The following INTS2 variants were observed in gnomAD, a reference collection of about 807,000 sequenced individuals.
The protein encoded by INTS2 is integrator complex subunit 2.
In INTS2, 57 loss-of-function variants were observed where a neutral mutation model predicts 139.6. That is an observed-to-expected ratio of 0.41 (90% CI 0.33 to 0.51). INTS2 has a LOEUF of 0.51. INTS2 is among the 20% of genes least tolerant of loss of function. The pLI, the probability that INTS2 is intolerant of heterozygous loss-of-function variation, is 0.28. For missense variants in INTS2, 1,196 were observed against 1,436.7 expected (o/e 0.83, Z 2.71); for synonymous variants, 473 against 493.4 (o/e 0.96, Z 0.55).
intron 9 of INTS2, among the ~76,000 whole-genome samples, chr17:61,904,117 C>A (rs1396616456): frequency 1.3e-5 from 2 of 152,070 alleles, no homozygotes; most frequent in Non-Finnish European, 2.9e-5. Flanking sequence ...TAAAATGAAT[C>A]AGATGCTACT....
intron 8 of INTS2, among the ~76,000 whole-genome samples, chr17:61,905,673 A>T (rs1025874169): frequency 1.3e-5 from 2 of 151,966 alleles, no homozygotes; most frequent in African/African-American, 4.8e-5. Flanking sequence ...GAGTAGTTTA[A>T]ACAGCCTTTG....
Position 61,893,691 on chromosome 17 carries a change from T to C in INTS2, c.1698+74A>G, listed in dbSNP as rs145889476. 1.1e-3 allele frequency: 1,283 copies of C among 1,166,424 alleles called. 8 individuals are homozygous for C. The African/African-American group carries it at 0.018, about 17-fold the overall frequency. The allele number at this position is 1,166,424 out of a possible 1,614,324, so 72.3% of individuals were successfully genotyped here. ...ACCTGGGTGACTGAGCAAGACTCCA[T>C]CTCAAAAGAAAAAAAATATATATAT... On this transcript the variant is annotated intron_variant, in intron 13 of 24. Coordinates refer to ENST00000251334, the MANE Select transcript of INTS2 (RefSeq NM_001351695.2). The surrounding 1 kb of genome is among the most constrained non-coding windows in gnomAD (Gnocchi z 5.4).
In INTS2 at chr17:61,872,116, A is replaced by C; in HGVS notation, c.2778+149T>G. 2.1e-6 allele frequency: 1 copy of C among 472,846 alleles called. No homozygotes were observed. The highest frequency in any genetic ancestry group is 3.0e-5 in the East Asian group (1 of 33,688). 29.3% of individuals were successfully genotyped at this position (472,846 alleles called of 1,614,324 possible). A position where few individuals can be genotyped will look rare whatever the true frequency, so the allele number is the denominator to read the frequency against. ...ATATCTGATACTCAGAAGCAAAGGTAACATCATTGTAATAGATTCTATAAT... is the reference window on the plus strand; with the variant it reads ...ATATCTGATACTCAGAAGCAAAGGTCACATCATTGTAATAGATTCTATAAT... On this transcript the variant is annotated intron_variant, in intron 20 of 24. Coordinates refer to ENST00000251334, the MANE Select transcript of INTS2 (RefSeq NM_001351695.2). This position sits in a 1 kb window ranked among gnomAD's most constrained non-coding sequence, Gnocchi z 4.8.
chr17:61,902,858 T>TA (rs1049738346), intron 9 of INTS2, among the ~76,000 whole-genome samples: 1,127 of 97,990 alleles, frequency 0.012, 14 homozygotes, highest in East Asian at 0.056. Flanking sequence ...TGAAAGAGCT[T>TA]AAAAAAAAAA....
At chr17:61,877,415 A>G (rs1014780257) in intron 18 of INTS2, among the ~76,000 whole-genome samples, 1 of 152,208 alleles carries the variant, frequency 6.6e-6, no homozygotes, top group Non-Finnish European at 1.5e-5. Context: ...ATGACTAAAG[A>G]CAAACTTTGC....
intron 2 of INTS2, among the ~76,000 whole-genome samples, chr17:61,925,875 A>C (rs1157861744): frequency 6.7e-6 from 1 of 150,166 alleles, no homozygotes; most frequent in Non-Finnish European, 1.5e-5. Context: ...AAATACAAAA[A>C]ATTAGCCGGG....
chr17:61,872,199 G>A lies in INTS2; in HGVS notation c.2778+66C>T. 3 of 1,046,242 alleles carry A rather than the reference G, an allele frequency of 2.9e-6. No homozygotes were observed. The highest frequency in any genetic ancestry group is 2.8e-6 in the Non-Finnish European group (2 of 708,724). The allele number at this position is 1,046,242 out of a possible 1,614,324, so 64.8% of individuals were successfully genotyped here. ...TGGAGCGCACAATGTGCCATCTATTGAACTGATTATACTAGTAGAGAAGCC... is the reference window on the plus strand; with the variant it reads ...TGGAGCGCACAATGTGCCATCTATTAAACTGATTATACTAGTAGAGAAGCC... On this transcript the variant is annotated intron_variant, in intron 20 of 24. Coordinates refer to ENST00000251334, the MANE Select transcript of INTS2 (RefSeq NM_001351695.2). This position sits in a 1 kb window ranked among gnomAD's most constrained non-coding sequence, Gnocchi z 4.8.
intron 3 of INTS2, among the ~76,000 whole-genome samples, chr17:61,923,883 C>A (rs1365873242): frequency 6.6e-6 from 1 of 152,252 alleles, no homozygotes; most frequent in Non-Finnish European, 1.5e-5. Flanking sequence ...GAACTCCCAA[C>A]CTCAGGTGAT....
chr17:61,892,873 G>A (rs537110473), intron 13 of INTS2, among the ~76,000 whole-genome samples: 3 of 146,358 alleles, frequency 2.0e-5, no homozygotes, highest in Admixed American at 1.4e-4. Flanking sequence ...GGAATCACTT[G>A]AACCCAGGAG....
chr17:61,912,946 C>T (rs142273817), intron 5 of INTS2, among the ~76,000 whole-genome samples: 1 of 151,938 alleles, frequency 6.6e-6, no homozygotes, highest in South Asian at 2.1e-4. Flanking sequence ...TGTGGTAATG[C>T]GCACCTATAG....
In INTS2 at chr17:61,909,815, ATGTGTGTATGTGTG is replaced by A. The variant is rs985604865; in HGVS notation, c.954+1691_954+1704del. On this transcript the variant is annotated intron_variant, in intron 7 of 24. Coordinates refer to ENST00000251334, the MANE Select transcript of INTS2 (RefSeq NM_001351695.2). The surrounding 1 kb of genome is among the most constrained non-coding windows in gnomAD (Gnocchi z 4.9). ...TATACATATATACGTGTGTGTGTAC[ATGTGTGTATGTGTG>A]TGTGTGTGTGTGTGTGTGTGTGTGT... is the stretch of plus-strand genomic sequence containing the variant. Among the ~76,000 whole-genome samples the A allele has an allele frequency of 1.1e-4, 8 of 72,510 alleles. No individual in the cohort carries two copies. The highest frequency in any genetic ancestry group is 3.3e-4 in the Admixed American group (2 of 6,034). The allele number at this position is 72,510 out of a possible 152,430, so 47.6% of individuals were successfully genotyped here. A position where few individuals can be genotyped will look rare whatever the true frequency, so the allele number is the denominator to read the frequency against.
chr17:61,877,271 C>T (rs2079134823), intron 18 of INTS2, among the ~76,000 whole-genome samples: 1 of 152,032 alleles, frequency 6.6e-6, no homozygotes, highest in Non-Finnish European at 1.5e-5. Context: ...CTCTGGGGAG[C>T]TAAAGTCTAA....
In INTS2 at chr17:61,919,499, GC is replaced by G; in HGVS notation, c.549del (p.Leu183PhefsTer4). 6.3e-7 allele frequency: 1 copy of G among 1,578,800 alleles called. No individual in the cohort carries two copies. The highest frequency in any genetic ancestry group is 8.6e-7 in the Non-Finnish European group (1 of 1,156,294). On this transcript the variant is annotated frameshift_variant, in exon 5 of 25. Transcript: ENST00000251334. LOFTEE classifies it high-confidence loss of function. Reference protein sequence around the residue: ...LCILQAELPSLLPIVDVAEAL... With the variant: ...LCILQAELPSXLPIVDVAEAL... ...GCTTCAGCTACATCAACTATAGGGAGCAAGGAAGGGAGCTCTACAAGAAAAC... is the reference window on the plus strand; with the variant it reads ...GCTTCAGCTACATCAACTATAGGGAGAAGGAAGGGAGCTCTACAAGAAAAC...
In INTS2 at chr17:61,873,419, A is replaced by C. The variant is rs190852701; in HGVS notation, c.2583-959T>G. On this transcript the variant is annotated intron_variant, in intron 19 of 24. Transcript: ENST00000251334. This position sits in a 1 kb window ranked among gnomAD's most constrained non-coding sequence, Gnocchi z 4.0. ...CATGAAAAAAGGTTCACAAGTTGTT[A>C]AGTGAAAAATCCGAGCTACAAAAAC... Among the ~76,000 whole-genome samples, 828 of 152,284 alleles carry C rather than the reference A, an allele frequency of 5.4e-3. 6 individuals are homozygous for C. Among genetic ancestry groups the C allele is most frequent in the South Asian group, 8.9e-3 (43 of 4,828 alleles).
chr17:61,912,963 C>G (rs2079543057), intron 5 of INTS2, among the ~76,000 whole-genome samples: 1 of 152,052 alleles, frequency 6.6e-6, no homozygotes. Context: ...ATAGTCCCAG[C>G]TGCTCAGGAG....
rs2079122863 is a variant in INTS2 at position 61,875,895 on chromosome 17, A to C, written c.2457-857T>G. Among the ~76,000 whole-genome samples, 1 of 152,184 alleles carries C rather than the reference A, an allele frequency of 6.6e-6. No homozygotes were observed. Among genetic ancestry groups the C allele is most frequent in the East Asian group, 1.9e-4 (1 of 5,188 alleles). On this transcript the variant is annotated intron_variant, in intron 18 of 24. Transcript: ENST00000251334. This position sits in a 1 kb window ranked among gnomAD's most constrained non-coding sequence, Gnocchi z 4.6. ...AATTAAGAAGAACAGGGCCTGACAC[A>C]GTGGCTCACACCTGTGAAATCCCAG...
In INTS2 at chr17:61,907,536, A is replaced by T; in HGVS notation, c.1053T>A (p.Ile351=). The T allele has an allele frequency of 6.3e-7, 1 of 1,595,690 alleles. No homozygotes were observed. Among genetic ancestry groups the T allele is most frequent in the Non-Finnish European group, 8.5e-7 (1 of 1,170,884 alleles). ...GILPTVRSTR[I]VEEADVDMEP... is the part of the protein sequence containing the mutation. ...CCATATCCACATCAGCTTCTTCCAC[A>T]ATTCGGGTGCTTCTTACTGTGGGAA... Residue 351 remains isoleucine (I), a synonymous_variant, in exon 8 of 25, where the codon ATT becomes ATA. Coordinates refer to ENST00000251334, the MANE Select transcript of INTS2 (RefSeq NM_001351695.2).
At position 61,873,340 on chromosome 17, in the gene INTS2, A is replaced by C. The variant is rs980295186; in HGVS notation, c.2583-880T>G. 6.6e-6 allele frequency among the ~76,000 whole-genome samples: 1 copy of C among 152,314 alleles called. No individual in the cohort carries two copies. The highest frequency in any genetic ancestry group is 3.4e-3 in the Middle Eastern group (1 of 294). ...GGAGTTCAAGACCAGCCTGGACAAC[A>C]TAGCAAGACCCCCAACTCAAAAAAT... On this transcript the variant is annotated intron_variant, in intron 19 of 24. Transcript: ENST00000251334. This position sits in a 1 kb window ranked among gnomAD's most constrained non-coding sequence, Gnocchi z 4.0.
rs1035948667 is a variant in INTS2, at chr17:61,865,744, A to T, written c.*1813T>A. 2 of 152,180 alleles carry T rather than the reference A, an allele frequency of 1.3e-5. No homozygotes were observed. The highest frequency in any genetic ancestry group is 2.9e-5 in the Non-Finnish European group (2 of 68,024). 9.4% of individuals were successfully genotyped at this position (152,180 alleles called of 1,614,324 possible). ...GAGCAGTTGTATTTAATCTTAAGGG[A>T]CTACAAAACTGCCTTGTTTAAAAAT... On this transcript the variant is annotated 3_prime_UTR_variant, in exon 25 of 25. Coordinates refer to ENST00000251334, the MANE Select transcript of INTS2 (RefSeq NM_001351695.2). The surrounding 1 kb of genome is among the most constrained non-coding windows in gnomAD (Gnocchi z 4.8).
Sources: allele counts gnomAD v4.1 joint callset (sites outside exome capture counted in the v4.1 genomes callset), GRCh38; gene constraint gnomAD v4.1.1; non-coding constraint Gnocchi (gnomAD v3.1); transcripts MANE v1.5; gene names NCBI Gene and HGNC (gene_info 2026-07-23, HGNC 2026-07-21).